The following TBL1X variants were observed in gnomAD, a reference collection of about 807,000 sequenced individuals.
TBL1X encodes the protein transducin beta like 1 X-linked.
In TBL1X, 10 loss-of-function variants were observed where a neutral mutation model predicts 50.7. The observed-to-expected ratio is 0.20, with a 90% confidence interval of 0.12 to 0.33. The LOEUF (loss-of-function observed/expected upper bound fraction) is 0.33. Ranked by LOEUF, TBL1X falls within the 10% of genes least tolerant of loss-of-function variation. The probability of loss-of-function intolerance (pLI) is 1.00; values close to 1 mark genes in which losing one functional copy is unlikely to be tolerated. For synonymous variants in TBL1X, 190 were observed against 214.7 expected (o/e 0.88, Z 1.01); for missense variants, 340 against 504.4 (o/e 0.67, Z 3.12).
At chrX:9,683,078 C>T (rs1000593655) in intron 5 of TBL1X, among the ~76,000 whole-genome samples, 4 of 111,773 alleles carry the variant, frequency 3.6e-5, no homozygotes, top group African/African-American at 6.5e-5. Context: ...CCCTGCCAGG[C>T]GGGGTTGCCT....
chrX:9,664,738 T>C (rs1246308215), intron 5 of TBL1X, among the ~76,000 whole-genome samples: 1 of 111,673 alleles, frequency 9.0e-6, no homozygotes, highest in African/African-American at 3.3e-5. Context: ...ATGTTGTGAA[T>C]GGCCACAACA....
chrX:9,626,487 C>G (rs2082693495), intron 2 of TBL1X, among the ~76,000 whole-genome samples: 1 of 112,113 alleles, frequency 8.9e-6, no homozygotes, highest in Non-Finnish European at 1.9e-5. Context: ...ATAGCCTGTG[C>G]CGTTAGTTTA....
At chrX:9,639,004 A>G (rs1243873609) in intron 2 of TBL1X, among the ~76,000 whole-genome samples, 1 of 111,494 alleles carries the variant, frequency 9.0e-6, no homozygotes, top group Admixed American at 9.5e-5. Flanking sequence ...TTCTATTCAG[A>G]GTTACAGATG....
Position 9,675,567 on chromosome X carries a change from A to G in TBL1X, c.212-8476A>G, listed in dbSNP as rs145048576. Among the ~76,000 whole-genome samples, 10 of 111,726 alleles carry G rather than the reference A, an allele frequency of 9.0e-5. No individual in the cohort carries two copies. In the East Asian group the frequency reaches 2.8e-3, roughly 31 times the overall value. The stretch of plus-strand genomic sequence containing the variant: ...GAGAACAGGGATACAATATTCTGTG[A>G]CCATGATGATTATACATAGAAATTA... On this transcript the variant is annotated intron_variant, in intron 5 of 17. Transcript: ENST00000645353.
At chrX:9,671,285 G>C (rs772847820) in intron 5 of TBL1X, among the ~76,000 whole-genome samples, 1 of 113,221 alleles carries the variant, frequency 8.8e-6, no homozygotes, top group East Asian at 2.8e-4. Flanking sequence ...TGGAGTTACA[G>C]AGAAGCTGTT....
At chrX:9,511,658 C>G (rs58675819) in intron 2 of TBL1X, among the ~76,000 whole-genome samples, 163 of 112,495 alleles carry the variant, frequency 1.4e-3, no homozygotes, top group African/African-American at 5.1e-3. Context: ...CTCACAATTA[C>G]AGTTGGTACT....
intron 1 of TBL1X, among the ~76,000 whole-genome samples, chrX:9,489,468 GTTTC>G (rs1394719687): frequency 1.8e-5 from 2 of 110,229 alleles, no homozygotes; most frequent in African/African-American, 6.6e-5. Flanking sequence ...GGCTTAAATC[GTTTC>G]TTTCTTGCTC....
intron 6 of TBL1X, among the ~76,000 whole-genome samples, chrX:9,686,684 C>G (rs1221414591): frequency 8.9e-6 from 1 of 112,599 alleles, no homozygotes; most frequent in Non-Finnish European, 1.9e-5. Context: ...GATGACAGAG[C>G]GAGACCCCGT....
At chrX:9,576,571 G>T (rs1490346933) in intron 2 of TBL1X, among the ~76,000 whole-genome samples, 2 of 109,440 alleles carry the variant, frequency 1.8e-5, no homozygotes, top group African/African-American at 6.7e-5. Flanking sequence ...AAGTTGCGGT[G>T]AACACCTTCT....
chrX:9,683,384 C>T lies in TBL1X; in HGVS notation c.212-659C>T, dbSNP rs757215474. ...CATCATTGATAGCAGCTTCCTAGAG[C>T]GGCAGTGAAAGAGATGCACTGGGGG... On this transcript the variant is annotated intron_variant, in intron 5 of 17. Transcript: ENST00000645353. Among the ~76,000 whole-genome samples the T allele has an allele frequency of 1.2e-4, 13 of 111,935 alleles. No individual in the cohort carries two copies. In the South Asian group the frequency reaches 3.0e-3, roughly 26 times the overall value.
At chrX:9,542,844 G>A (rs970075884) in intron 2 of TBL1X, among the ~76,000 whole-genome samples, 1 of 112,232 alleles carries the variant, frequency 8.9e-6, no homozygotes, top group African/African-American at 3.2e-5. Flanking sequence ...TGCAGTGTAT[G>A]GAGAAGCTGT....
In TBL1X at chrX:9,683,288, C is replaced by T. The variant is rs758247812; in HGVS notation, c.212-755C>T. 7.1e-5 allele frequency among the ~76,000 whole-genome samples: 8 copies of T among 112,005 alleles called. No homozygotes were observed. In the East Asian group the frequency reaches 2.2e-3, roughly 31 times the overall value. On this transcript the variant is annotated intron_variant, in intron 5 of 17. Transcript: ENST00000645353. ...TGGCTTTCTGTGTATTCGGTCCTGA[C>T]CCCCTTCCCAACAGCTTCATTCAAG... is the stretch of plus-strand genomic sequence containing the variant.
At chrX:9,617,730 T>G (rs1427715642) in intron 2 of TBL1X, among the ~76,000 whole-genome samples, 1 of 111,784 alleles carries the variant, frequency 8.9e-6, no homozygotes, top group Non-Finnish European at 1.9e-5. Flanking sequence ...AGTCTTGGAG[T>G]GCCGGAAAGT....
At chrX:9,595,134 C>T (rs1292859670) in intron 2 of TBL1X, among the ~76,000 whole-genome samples, 1 of 112,046 alleles carries the variant, frequency 8.9e-6, no homozygotes, top group Non-Finnish European at 1.9e-5. Flanking sequence ...GTGTGGACCC[C>T]GGCTCCTCCC....
intron 2 of TBL1X, among the ~76,000 whole-genome samples, chrX:9,576,416 G>A (rs779568870): frequency 8.9e-6 from 1 of 112,358 alleles, no homozygotes; most frequent in East Asian, 2.8e-4. Flanking sequence ...TGAGTGATGC[G>A]CTAACGCATA....
intron 1 of TBL1X, among the ~76,000 whole-genome samples, chrX:9,498,671 C>G (rs73186380): frequency 0.1 from 11,410 of 112,121 alleles, 495 homozygotes; most frequent in South Asian, 0.2. Context: ...ACCGCAGGAG[C>G]CTGGCTACTC....
chrX:9,540,229 G>A (rs1034627462), intron 2 of TBL1X, among the ~76,000 whole-genome samples: 1 of 112,108 alleles, frequency 8.9e-6, no homozygotes, highest in Admixed American at 9.4e-5. Context: ...GTACTAGTTG[G>A]GTTACCAAGA....
Position 9,697,434 on chromosome X carries a change from G to T in TBL1X, c.1114+5G>T. 8.3e-7 allele frequency: 1 copy of T among 1,202,565 alleles called. No homozygotes were observed. Among genetic ancestry groups the T allele is most frequent in the Non-Finnish European group, 1.1e-6 (1 of 890,398 alleles). On this transcript the variant is annotated splice_donor_5th_base_variant and intron_variant, in intron 12 of 17. Transcript: ENST00000645353. ...AGCAGTTTCCTTTTCATTCAGGTGAGTTTTTTGTTGTTGTTGTTGTTGTTT... is the reference window on the plus strand; with the variant it reads ...AGCAGTTTCCTTTTCATTCAGGTGATTTTTTTGTTGTTGTTGTTGTTGTTT...
At chrX:9,633,684 TAAAA>T (rs939427671) in intron 2 of TBL1X, among the ~76,000 whole-genome samples, 5 of 112,388 alleles carry the variant, frequency 4.4e-5, no homozygotes, top group Non-Finnish European at 9.4e-5. Context: ...TGCAGAGTCT[TAAAA>T]AAATACACAT....
Sources: gnomAD v4.1 joint callset for allele counts (sites outside exome capture counted in the v4.1 genomes callset) on GRCh38, gnomAD v4.1.1 for gene constraint, MANE v1.5 for transcripts, NCBI Gene and HGNC (gene_info 2026-07-23, HGNC 2026-07-21) for gene names.